TSHZ3: variants seen among roughly 807,000 people sequenced by gnomAD.
TSHZ3 encodes the protein teashirt zinc finger homeobox 3.
In TSHZ3, 10 loss-of-function variants were observed where a neutral mutation model predicts 64.5. The observed-to-expected ratio is 0.16, with a 90% CI of 0.10 to 0.26. The LOEUF (loss-of-function observed/expected upper bound fraction) is 0.26, where lower values mean the gene tolerates loss of function less well. Among genes scored for constraint, TSHZ3 ranks in the 10% least tolerant of loss-of-function variants. The probability of loss-of-function intolerance (pLI) is 1.00; values close to 1 mark genes in which losing one functional copy is unlikely to be tolerated. For missense variants in TSHZ3, 1,242 were observed against 1,421.7 expected, an observed-to-expected ratio of 0.87 and a Z score of 2.03; for synonymous variants, 608 against 593.1, an observed-to-expected ratio of 1.03 and a Z score of -0.36.
At chr19:31,348,022 GAGAAA>G (rs1167379307) in intron 1 of TSHZ3, among the ~76,000 whole-genome samples, 2 of 152,278 alleles carry the variant, frequency 1.3e-5, no homozygotes, top group Non-Finnish European at 2.9e-5. Context: ...AAGAAAGGAA[GAGAAA>G]AGAAAAGAAA....
intron 1 of TSHZ3, among the ~76,000 whole-genome samples, chr19:31,246,076 C>CAATG (rs1421094092): frequency 6.6e-6 from 1 of 152,088 alleles, no homozygotes; most frequent in African/African-American, 2.4e-5. Context: ...AGTTAAGCTG[C>CAATG]AATGAAGTGA....
intron 5 of TSHZ3, among the ~76,000 whole-genome samples, chr19:31,163,738 A>G (rs191162629): frequency 6.6e-6 from 1 of 152,288 alleles, no homozygotes; most frequent in Admixed American, 6.5e-5. Context: ...CTCGAAACAA[A>G]CAAAGAACAA....
At chr19:31,339,558 G>C (rs964746077) in intron 1 of TSHZ3, among the ~76,000 whole-genome samples, 2 of 152,164 alleles carry the variant, frequency 1.3e-5, no homozygotes, top group Non-Finnish European at 2.9e-5. Context: ...GTCTGGCTGG[G>C]GCCCATATGA....
intron 5 of TSHZ3, among the ~76,000 whole-genome samples, chr19:31,195,141 C>G (rs1599574743): frequency 1.3e-5 from 2 of 151,994 alleles, no homozygotes; most frequent in African/African-American, 2.4e-5. Flanking sequence ...GAATACCAGA[C>G]AGAGAAAAGA....
intron 1 of TSHZ3, among the ~76,000 whole-genome samples, chr19:31,305,221 G>A (rs1225744661): frequency 6.6e-6 from 1 of 151,244 alleles, no homozygotes; most frequent in Non-Finnish European, 1.5e-5. Flanking sequence ...CTGACTATTA[G>A]GCAATTTCAT....
At chr19:31,161,379 C>T (rs116547532) in intron 5 of TSHZ3, among the ~76,000 whole-genome samples, 97 of 152,164 alleles carry the variant, frequency 6.4e-4, no homozygotes, top group African/African-American at 2.3e-3. Flanking sequence ...ATATTTTAGA[C>T]AAATAAATAA....
chr19:31,258,504 G>T (rs369241735), intron 1 of TSHZ3, among the ~76,000 whole-genome samples: 2 of 152,250 alleles, frequency 1.3e-5, no homozygotes, highest in African/African-American at 4.8e-5. Context: ...CTCTGTTTTG[G>T]TTTTCTCCGC....
intron 6 of TSHZ3, among the ~76,000 whole-genome samples, chr19:31,155,430 T>G (rs1263686169): frequency 2.6e-5 from 4 of 152,214 alleles, no homozygotes. Flanking sequence ...CACAGCTTCG[T>G]TGTAGGAAAG....
chr19:31,344,344 T>C (rs1258382745), intron 1 of TSHZ3, among the ~76,000 whole-genome samples: 1 of 152,236 alleles, frequency 6.6e-6, no homozygotes, highest in African/African-American at 2.4e-5. Flanking sequence ...CTACCTGGGC[T>C]GGACACTAAC....
rs926597849 is a variant in TSHZ3, at chr19:31,158,172, C to T, written n.810-1755G>A. Among the ~76,000 whole-genome samples, 8 of 152,222 alleles carry T rather than the reference C, an allele frequency of 5.3e-5. No homozygotes were observed. The East Asian group carries it at 1.5e-3, about 29-fold the overall frequency. On this transcript the variant is annotated intron_variant and non_coding_transcript_variant, in intron 5 of 6. Coordinates refer to the TSHZ3 transcript ENST00000651361. The stretch of plus-strand genomic sequence containing the variant: ...AAGTCTGTGCCCTCCAAAACCATAG[C>T]TTCTAGCCACATGTGGCTACTGAAC...
At chr19:31,203,529 T>C (rs1406694932) in intron 5 of TSHZ3, among the ~76,000 whole-genome samples, 1 of 152,176 alleles carries the variant, frequency 6.6e-6, no homozygotes, top group Non-Finnish European at 1.5e-5. Flanking sequence ...TTTGCAGTTC[T>C]TATGCTAGGA....
intron 1 of TSHZ3, among the ~76,000 whole-genome samples, chr19:31,301,393 G>A (rs1976754532): frequency 6.6e-6 from 1 of 152,228 alleles, no homozygotes; most frequent in Non-Finnish European, 1.5e-5. Context: ...CAAATGACAG[G>A]TGTACAGAGG....
At chr19:31,174,004 A>G (rs1974573237) in intron 5 of TSHZ3, among the ~76,000 whole-genome samples, 1 of 152,144 alleles carries the variant, frequency 6.6e-6, no homozygotes, top group Non-Finnish European at 1.5e-5. Context: ...GGAGGTGGAG[A>G]CTGCAATGAG....
intron 1 of TSHZ3, among the ~76,000 whole-genome samples, chr19:31,334,758 G>A (rs1053466855): frequency 5.9e-5 from 9 of 152,164 alleles, no homozygotes; most frequent in African/African-American, 1.9e-4. Context: ...GGCTTTGAAT[G>A]TGGTGGCTCT....
chr19:31,250,790 C>A (rs1390244854), intron 1 of TSHZ3, among the ~76,000 whole-genome samples: 1 of 152,124 alleles, frequency 6.6e-6, no homozygotes, highest in Non-Finnish European at 1.5e-5. Context: ...TAGCACTGAG[C>A]CTGACACACA....
At chr19:31,172,406 G>A (rs954218132) in intron 5 of TSHZ3, among the ~76,000 whole-genome samples, 2 of 152,160 alleles carry the variant, frequency 1.3e-5, no homozygotes, top group Non-Finnish European at 2.9e-5. Context: ...TCATGGTGGT[G>A]GCAGCAGTAC....
chr19:31,256,624 A>G (rs1975914506), intron 1 of TSHZ3, among the ~76,000 whole-genome samples: 1 of 152,062 alleles, frequency 6.6e-6, no homozygotes, highest in Non-Finnish European at 1.5e-5. Flanking sequence ...CCATTCATTC[A>G]TTATTTCTTG....
intron 4 of TSHZ3, among the ~76,000 whole-genome samples, chr19:31,226,225 C>A (rs1228093927): frequency 6.6e-6 from 1 of 151,966 alleles, no homozygotes; most frequent in African/African-American, 2.4e-5. Context: ...AATTCCACTT[C>A]TTCCCATACC....
chr19:31,301,321 T>C (rs374884208), intron 1 of TSHZ3, among the ~76,000 whole-genome samples: 2 of 152,230 alleles, frequency 1.3e-5, no homozygotes, highest in South Asian at 4.1e-4. Flanking sequence ...AACAGCAGCA[T>C]TGGTTTTCTT....
Sources: allele counts gnomAD v4.1 joint callset (sites outside exome capture counted in the v4.1 genomes callset), GRCh38; gene constraint gnomAD v4.1.1; transcripts MANE v1.5; gene names NCBI Gene and HGNC (gene_info 2026-07-23, HGNC 2026-07-21).